The following ADAMTSL2 variants were observed in gnomAD, a reference collection of about 807,000 sequenced individuals.
ADAMTSL2 encodes the protein ADAMTS like 2, also known as ADAMTS-like protein 2.
Under a neutral mutation model 117.0 loss-of-function variants are expected in ADAMTSL2, and 55 were observed. That is an observed-to-expected ratio of 0.47 (90% CI 0.38 to 0.59). The LOEUF is 0.59. Among genes scored for constraint, ADAMTSL2 ranks in the 20% least tolerant of loss-of-function variants. The pLI is 0.00. For synonymous variants in ADAMTSL2, 572 were observed against 566.4 expected (o/e 1.01, Z -0.14); for missense variants, 1,182 against 1,354.5 (o/e 0.87, Z 2.00).
chr9:133,539,758 C>T lies in ADAMTSL2; in HGVS notation c.310-13C>T, dbSNP rs200590292. On this transcript the variant is annotated splice_polypyrimidine_tract_variant and intron_variant, in intron 4 of 18. Transcript: ENST00000651351. ...AGTTCCTCCCGGAGCCTCCCTGTCC[C>T]TTCGCTTCCCAGGAGTGTCCGCCGG... 140 of 1,435,312 alleles carry T rather than the reference C, an allele frequency of 9.8e-5. No individual in the cohort carries two copies. The African/African-American group carries it at 1.9e-3, about 20-fold the overall frequency. The allele number at this position is 1,435,312 out of a possible 1,614,324, so 88.9% of individuals were successfully genotyped here.
chr9:133,556,519 G>A (rs1830608403), intron 11 of ADAMTSL2, among the ~76,000 whole-genome samples: 1 of 152,206 alleles, frequency 6.6e-6, no homozygotes, highest in African/African-American at 2.4e-5. Flanking sequence ...AGGATCTAGT[G>A]GATTCCTCCA....
chr9:133,570,819 A>G (rs1831088667), intron 17 of ADAMTSL2, among the ~76,000 whole-genome samples: 1 of 152,128 alleles, frequency 6.6e-6, no homozygotes, highest in Admixed American at 6.5e-5. Context: ...CATGTGCCGG[A>G]CACCGCGGGA....
intron 9 of ADAMTSL2, among the ~76,000 whole-genome samples, chr9:133,553,805 C>T (rs1830542624): frequency 6.6e-6 from 1 of 152,182 alleles, no homozygotes; most frequent in African/African-American, 2.4e-5. Context: ...CCGGGCTGCC[C>T]CAGGGTCTTG....
At chr9:133,544,683 G>A in intron 8 of ADAMTSL2, 133 bp downstream of exon 8, 3 of 830,440 alleles carry the variant, frequency 3.6e-6, no homozygotes, top group Admixed American at 3.9e-5. Context: ...GGGCATGGCT[G>A]CAGGAGCCAG....
intron 12 of ADAMTSL2, among the ~76,000 whole-genome samples, chr9:133,566,248 C>G (rs1830970267): frequency 6.6e-6 from 1 of 152,196 alleles, no homozygotes; most frequent in Non-Finnish European, 1.5e-5. Context: ...TCAAGACCAG[C>G]CTGGCCAACA....
At chr9:133,568,227 G>A (rs1831020757) in intron 13 of ADAMTSL2, 46 bp from the exon 14 acceptor site, 37 of 1,534,796 alleles carry the variant, frequency 2.4e-5, no homozygotes, top group Non-Finnish European at 3.1e-5. Context: ...ATGGGGTCCC[G>A]GCTGCCATGG....
intron 12 of ADAMTSL2, 108 bp from the exon 13 acceptor site, chr9:133,566,828 A>G: frequency 6.9e-7 from 1 of 1,447,246 alleles, no homozygotes; most frequent in Non-Finnish European, 9.4e-7. Context: ...TCCCCAAGCC[A>G]GAAAGCTGAG....
intron 4 of ADAMTSL2, 36 bp from the exon 5 acceptor site, chr9:133,539,735 T>A: frequency 8.4e-7 from 1 of 1,185,016 alleles, no homozygotes; most frequent in Non-Finnish European, 1.1e-6. Flanking sequence ...TCGGGCCGAG[T>A]TCCTCCCGGA....
rs1442742752 is a variant in ADAMTSL2, at chr9:133,555,584, A to G, written c.1303A>G (p.Thr435Ala). 2.9e-5 allele frequency: 46 copies of G among 1,612,902 alleles called. No homozygotes were observed. In the African/African-American group the frequency reaches 5.7e-4, roughly 20 times the overall value. The change falls in exon 11 of 19, where the codon ACC becomes GCC. Residue 435 changes from threonine to alanine, a missense_variant. Physicochemically the swap from Thr to Ala is moderately conservative, Grantham distance 58. This residue lies in a region of ADAMTSL2 where 345 missense variants were observed against 325.8 expected (regional missense o/e 1.06). Coordinates refer to ENST00000651351, the MANE Select transcript of ADAMTSL2 (RefSeq NM_014694.4). ...RDRNVTGTPL[T>A]GDKDDEEVDT... ...CCGCAACGTCACGGGGACTCCTCTC[A>G]CCGGGGACAAGGATGACGAAGAGGT...
intron 17 of ADAMTSL2, 110 bp from the exon 18 acceptor site, chr9:133,573,733 C>T: frequency 7.0e-7 from 1 of 1,426,960 alleles, no homozygotes; most frequent in Non-Finnish European, 9.7e-7. Context: ...CTCATGGCCG[C>T]CTGGGAAGGG....
intron 8 of ADAMTSL2, among the ~76,000 whole-genome samples, chr9:133,546,503 A>G (rs1030072759): frequency 2.8e-4 from 43 of 152,286 alleles, no homozygotes; most frequent in African/African-American, 1.0e-3. Flanking sequence ...CCTGCCTGCA[A>G]GGGCAGCAGG....
At chr9:133,574,671 G>C in intron 18 of ADAMTSL2, 75 bp from the exon 19 acceptor site, 4 of 1,321,752 alleles carry the variant, frequency 3.0e-6, no homozygotes, top group Non-Finnish European at 4.4e-6. Flanking sequence ...AAAACGGCAC[G>C]TGGGGGTCCC....
chr9:133,542,214 A>G (rs896535748), intron 7 of ADAMTSL2, among the ~76,000 whole-genome samples: 1 of 152,194 alleles, frequency 6.6e-6, no homozygotes, highest in Non-Finnish European at 1.5e-5. Flanking sequence ...GGGCTTGGAC[A>G]TGGGACCTAG....
chr9:133,574,476 G>C (rs1428612095), intron 18 of ADAMTSL2, among the ~76,000 whole-genome samples: 2 of 152,260 alleles, frequency 1.3e-5, no homozygotes, highest in Admixed American at 1.3e-4. Context: ...AACCCTTGGG[G>C]ATGCTTAGGC....
At chr9:133,562,314 A>C (rs977575546) in intron 12 of ADAMTSL2, among the ~76,000 whole-genome samples, 7 of 152,230 alleles carry the variant, frequency 4.6e-5, no homozygotes, top group Admixed American at 6.5e-5. Context: ...GGACTGAAGA[A>C]AGGGCTCTGC....
Position 133,568,757 on chromosome 9 carries a change from C to T in ADAMTSL2, c.2243C>T (p.Pro748Leu), listed in dbSNP as rs1831036024. 2.5e-6 allele frequency: 4 copies of T among 1,612,936 alleles called. No homozygotes were observed. The highest frequency in any genetic ancestry group is 3.4e-6 in the Non-Finnish European group (4 of 1,179,962). Reference protein sequence around the residue: ...DRQWTVSDWGPCSGSCGQGRT... With the variant: ...DRQWTVSDWGLCSGSCGQGRT... ...CAGTGGACCGTCTCCGACTGGGGACCGGTGAGGCCTGCACTGAGGGGTGGC... is the reference window on the plus strand; with the variant it reads ...CAGTGGACCGTCTCCGACTGGGGACTGGTGAGGCCTGCACTGAGGGGTGGC... The change falls in exon 15 of 19, where the codon CCG becomes CTG. Residue 748 changes from proline to leucine, a missense_variant and splice_region_variant. By Grantham distance (98) the Pro-to-Leu change is moderately conservative (BLOSUM62 -3). Around this residue, in one of 3 missense-constraint regions of ADAMTSL2, gnomAD observed 465 missense variants for 565.3 expected, o/e 0.82. Transcript: ENST00000651351.
At chr9:133,571,899 C>G (rs1387479306) in intron 17 of ADAMTSL2, among the ~76,000 whole-genome samples, 1 of 152,180 alleles carries the variant, frequency 6.6e-6, no homozygotes, top group African/African-American at 2.4e-5. Flanking sequence ...ATGGGGGTGT[C>G]AGACGGAACT....
At chr9:133,563,870 A>G (rs1179794666) in intron 12 of ADAMTSL2, among the ~76,000 whole-genome samples, 6 of 59,418 alleles carry the variant, frequency 1.0e-4, no homozygotes, top group East Asian at 4.0e-4. Flanking sequence ...AGAGGGAGAG[A>G]GAGAGAGAGA....
At chr9:133,574,533 G>A (rs1487610506) in intron 18 of ADAMTSL2, among the ~76,000 whole-genome samples, 1 of 152,152 alleles carries the variant, frequency 6.6e-6, no homozygotes, top group Non-Finnish European at 1.5e-5. Flanking sequence ...CTCCTCTTGG[G>A]ACACAGATCA....
Sources: gnomAD v4.1 joint callset for allele counts (sites outside exome capture counted in the v4.1 genomes callset) on GRCh38, gnomAD v4.1.1 for gene constraint, gnomAD v4.1.1 regional missense constraint, MANE v1.5 for transcripts, NCBI Gene and HGNC (gene_info 2026-07-23, HGNC 2026-07-21) for gene names.